COL24A1: variants seen among roughly 807,000 people sequenced by gnomAD.
COL24A1 encodes collagen alpha-1(XXIV) chain.
COL24A1 carries 224 observed loss-of-function variants against 253.9 expected under a neutral mutation model. The ratio of observed to expected loss-of-function variants is 0.88; its 90% confidence interval spans 0.79 to 0.99. The LOEUF is 0.99. Ranked by LOEUF, COL24A1 falls within the 50% of genes least tolerant of loss-of-function variation. The pLI is 0.00. For missense variants in COL24A1, 2,131 were observed against 2,068.5 expected, an observed-to-expected ratio of 1.03 and a Z score of -0.59; for synonymous variants, 685 against 673.7, an observed-to-expected ratio of 1.02 and a Z score of -0.26.
chr1:86,024,176 A>C (rs1697805780), intron 14 of COL24A1, among the ~76,000 whole-genome samples: 1 of 152,008 alleles, frequency 6.6e-6, no homozygotes, highest in African/African-American at 2.4e-5. Context: ...CATTTTCTGA[A>C]TAGCTCTCCC....
chr1:85,922,383 G>A (rs999887725), intron 24 of COL24A1, among the ~76,000 whole-genome samples: 1 of 152,136 alleles, frequency 6.6e-6, no homozygotes, highest in African/African-American at 2.4e-5. Context: ...CACCAAGGTT[G>A]AAATGAAGGA....
intron 7 of COL24A1, among the ~76,000 whole-genome samples, chr1:86,071,215 T>C (rs778983130): frequency 9.9e-5 from 15 of 152,126 alleles, no homozygotes; most frequent in African/African-American, 1.7e-4. Flanking sequence ...GCAAGCCTCA[T>C]GGTAACCTCA....
intron 7 of COL24A1, among the ~76,000 whole-genome samples, chr1:86,072,219 G>T (rs188592030): frequency 1.3e-5 from 2 of 152,314 alleles, no homozygotes; most frequent in African/African-American, 4.8e-5. Context: ...TAGTTCAGTG[G>T]ATTCCACCCC....
intron 52 of COL24A1, among the ~76,000 whole-genome samples, chr1:85,778,023 CTCTA>C (rs71075864): frequency 0.017 from 2,533 of 149,220 alleles, 32 homozygotes; most frequent in African/African-American, 0.035. Flanking sequence ...ATGTCTCTAT[CTCTA>C]TCTATCTATC....
At chr1:85,958,011 T>C (rs777206107) in intron 24 of COL24A1, among the ~76,000 whole-genome samples, 6 of 152,112 alleles carry the variant, frequency 3.9e-5, no homozygotes, top group Non-Finnish European at 8.8e-5. Flanking sequence ...AACAATAACC[T>C]CCACCACAAC....
In COL24A1 at chr1:85,989,232, C is replaced by A. The variant is rs192324057; in HGVS notation, c.2311-1578G>T. ...TTCTCCATTATGTTCCTCCCTCATC[C>A]TCTGTTCACTATTTGAGTGAATGTC... is the stretch of plus-strand genomic sequence containing the variant. On this transcript the variant is annotated intron_variant, in intron 19 of 59. Coordinates refer to ENST00000370571, the MANE Select transcript of COL24A1 (RefSeq NM_152890.7). Among the ~76,000 whole-genome samples, 27 of 152,166 alleles carry A rather than the reference C, an allele frequency of 1.8e-4. No individual in the cohort carries two copies. The East Asian group carries it at 4.8e-3, about 27-fold the overall frequency.
chr1:86,105,591 T>C (rs952018580), intron 5 of COL24A1, among the ~76,000 whole-genome samples: 11 of 152,070 alleles, frequency 7.2e-5, no homozygotes, highest in African/African-American at 1.7e-4. Context: ...TGGGCTAAAG[T>C]TCCCCTAGGG....
chr1:85,949,885 CCTTT>C (rs1206508823), intron 24 of COL24A1, among the ~76,000 whole-genome samples: 2 of 152,010 alleles, frequency 1.3e-5, no homozygotes, highest in African/African-American at 2.4e-5. Context: ...TTGTTCAGAC[CCTTT>C]CTTTCCTCCC....
intron 37 of COL24A1, among the ~76,000 whole-genome samples, chr1:85,859,391 CATA>C (rs1040652937): frequency 1.4e-4 from 22 of 152,202 alleles, no homozygotes; most frequent in Admixed American, 1.3e-3. Flanking sequence ...GAGAGATTTT[CATA>C]ATATTTTTTA....
chr1:85,820,452 GCA>G (rs1247157883), intron 45 of COL24A1, among the ~76,000 whole-genome samples: 1 of 152,160 alleles, frequency 6.6e-6, no homozygotes, highest in Non-Finnish European at 1.5e-5. Flanking sequence ...GCAAATAGCT[GCA>G]CATGCCAGCA....
intron 35 of COL24A1, 43 bp downstream of exon 35, chr1:85,874,606 G>T (rs755541491): frequency 1.3e-6 from 2 of 1,566,788 alleles, no homozygotes; most frequent in East Asian, 2.2e-5. Flanking sequence ...GCCTCTGAAA[G>T]AAGTGGGTTA....
At chr1:85,915,743 G>C (rs923933124) in intron 24 of COL24A1, among the ~76,000 whole-genome samples, 4 of 152,106 alleles carry the variant, frequency 2.6e-5, no homozygotes, top group African/African-American at 7.2e-5. Flanking sequence ...CAGCCTCCTG[G>C]GTTCATGCAA....
rs1666855492 is a variant in COL24A1, at chr1:85,761,570, G to T, written c.4375-4C>A. 6.2e-7 allele frequency: 1 copy of T among 1,613,888 alleles called. No individual in the cohort carries two copies. Among genetic ancestry groups the T allele is most frequent in the Non-Finnish European group, 8.5e-7 (1 of 1,179,914 alleles). ...GACCTCTTGGTCCTTGAGGACCCTG[G>T]AAGAAATGGAGACAAACACAAGACC... is the stretch of plus-strand genomic sequence containing the variant. On this transcript the variant is annotated splice_region_variant and splice_polypyrimidine_tract_variant and intron_variant, in intron 53 of 59. Coordinates refer to ENST00000370571, the MANE Select transcript of COL24A1 (RefSeq NM_152890.7).
chr1:85,889,842 C>T (rs1224337942), intron 31 of COL24A1, among the ~76,000 whole-genome samples: 1 of 151,720 alleles, frequency 6.6e-6, no homozygotes, highest in Non-Finnish European at 1.5e-5. Flanking sequence ...TGTTGTGTAA[C>T]CGTTACCAGA....
At position 86,025,419 on chromosome 1, in the gene COL24A1, A is replaced by G. The variant is rs143694019; in HGVS notation, c.2050-2412T>C. On this transcript the variant is annotated intron_variant, in intron 14 of 59. Transcript: ENST00000370571. ...AAAAAGAGCAGTCACTGGCCAATTA[A>G]TAAGGGTTCATATGGTATACTGTAG... 5.9e-5 allele frequency among the ~76,000 whole-genome samples: 9 copies of G among 152,282 alleles called. No individual in the cohort carries two copies. In the East Asian group the frequency reaches 1.7e-3, roughly 29 times the overall value.
At chr1:85,969,199 T>C (rs1691869940) in intron 22 of COL24A1, among the ~76,000 whole-genome samples, 1 of 152,058 alleles carries the variant, frequency 6.6e-6, no homozygotes, top group African/African-American at 2.4e-5. Flanking sequence ...TCACGAAAAA[T>C]AAAATGAAAA....
At chr1:85,733,814 A>C (rs1663761562) in intron 59 of COL24A1, among the ~76,000 whole-genome samples, 1 of 151,304 alleles carries the variant, frequency 6.6e-6, no homozygotes. Context: ...TCCTGGCCTC[A>C]AGTGAACCAC....
At position 85,896,385 on chromosome 1, in the gene COL24A1, A is replaced by G. The variant is rs1203726145; in HGVS notation, c.2803T>C (p.Leu935=). ...GCACCTTGTATACCTTGTTCCCCTA[A>G]GAGACCATCTGGTCCTCTTGATCCC... ...QRGSRGPDGL[L]GEQGIQGAKG... The change falls in exon 29 of 60, where the codon TTA becomes CTA. Residue 935 remains leucine (L), a synonymous_variant. Coordinates refer to ENST00000370571, the MANE Select transcript of COL24A1 (RefSeq NM_152890.7). 1 of 1,613,540 alleles carries G rather than the reference A, an allele frequency of 6.2e-7. No individual in the cohort carries two copies. The highest frequency in any genetic ancestry group is 8.5e-7 in the Non-Finnish European group (1 of 1,179,464).
At chr1:85,767,730 C>A (rs1303741450) in intron 53 of COL24A1, among the ~76,000 whole-genome samples, 4 of 151,822 alleles carry the variant, frequency 2.6e-5, no homozygotes, top group South Asian at 4.2e-4. Context: ...TGGAAGTTTG[C>A]ACCTTATTTA....
Sources: allele counts gnomAD v4.1 joint callset (sites outside exome capture counted in the v4.1 genomes callset), GRCh38; gene constraint gnomAD v4.1.1; transcripts MANE v1.5; gene names NCBI Gene and HGNC (gene_info 2026-07-23, HGNC 2026-07-21).